Variants in CHN2 observed in about 807,000 individuals in gnomAD.
CHN2 encodes beta-chimaerin.
Under a neutral mutation model 56.3 loss-of-function variants are expected in CHN2, and 35 were observed. The ratio of observed to expected loss-of-function variants is 0.62; its 90% CI spans 0.47 to 0.82. The LOEUF is 0.82. CHN2 is among the 40% of genes least tolerant of loss of function. The pLI is 0.00. For synonymous variants in CHN2, 210 were observed against 212.8 expected (o/e 0.99, Z 0.12); for missense variants, 491 against 580.5 (o/e 0.85, Z 1.58).
At chr7:29,429,342 T>C (rs2128112304) in intron 6 of CHN2, among the ~76,000 whole-genome samples, 1 of 152,336 alleles carries the variant, frequency 6.6e-6, no homozygotes, top group African/African-American at 2.4e-5. Flanking sequence ...TCAGGTGGTA[T>C]TGCAGTAAGA....
chr7:29,178,763 G>A (rs1218690717), intron 2 of CHN2, among the ~76,000 whole-genome samples: 1 of 152,148 alleles, frequency 6.6e-6, no homozygotes, highest in Admixed American at 6.5e-5. Context: ...ACAACTTGGA[G>A]TGGAATTAGC....
upstream of CHN2, among the ~76,000 whole-genome samples, chr7:29,190,429 C>T (rs557024823): frequency 7.8e-4 from 119 of 152,300 alleles, 1 homozygote; most frequent in African/African-American, 2.6e-3. Context: ...AGAATGCCTG[C>T]AGTGAGGGAG....
intron 6 of CHN2, among the ~76,000 whole-genome samples, chr7:29,449,304 G>A (rs933855491): frequency 3.3e-5 from 5 of 152,200 alleles, no homozygotes; most frequent in African/African-American, 9.7e-5. Flanking sequence ...GGTTTGAAGC[G>A]GTAATAATGG....
chr7:29,296,170 A>T (rs1018454177), intron 1 of CHN2, among the ~76,000 whole-genome samples: 2 of 147,682 alleles, frequency 1.4e-5, no homozygotes, highest in East Asian at 4.0e-4. Context: ...TGCAACCTCC[A>T]CCTCCCAGGT....
intron 1 of CHN2, among the ~76,000 whole-genome samples, chr7:29,324,763 C>T (rs1795675588): frequency 6.6e-6 from 1 of 152,086 alleles, no homozygotes; most frequent in Admixed American, 6.5e-5. Context: ...AGCTTCTGGG[C>T]ATTTATTCTA....
Position 29,480,303 on chromosome 7 carries a change from G to T in CHN2, c.601G>T (p.Ala201Ser), listed in dbSNP as rs1178794647. The T allele has an allele frequency of 6.8e-6, 11 of 1,614,040 alleles. No individual in the cohort carries two copies. The highest frequency in any genetic ancestry group is 9.3e-6 in the Non-Finnish European group (11 of 1,180,042). Residue 201 changes from alanine (A) to serine (S), a missense_variant, in exon 7 of 13, where the codon GCC becomes TCC. By Grantham distance (99) the Ala-to-Ser change is moderately conservative. Coordinates refer to ENST00000222792, the MANE Select transcript of CHN2 (RefSeq NM_004067.4). ...GATCTCCTCCCTGGTTCGAAGGGCT[G>T]CCCTCACACACAACGACAACCACTT... is the stretch of plus-strand genomic sequence containing the variant. ...EKISSLVRRAALTHNDNHFNY... is the reference protein window; with the variant it reads ...EKISSLVRRASLTHNDNHFNY...
Position 29,468,138 on chromosome 7 carries a change from CCG to C in CHN2, c.577-12139_577-12138del, listed in dbSNP as rs1237752783. Among the ~76,000 whole-genome samples the C allele has an allele frequency of 7.3e-4, 22 of 30,286 alleles. 1 individual carries two copies. The highest frequency in any genetic ancestry group is 4.1e-3 in the East Asian group (3 of 730). The allele number at this position is 30,286 out of a possible 152,430, so 19.9% of individuals were successfully genotyped here. Reference sequence around the variant, plus strand: ...ACATCTTCACAGAAACCAAACGGACCCGCCCCCCCCCCCCCCCGCCCGACTAC... The same window carrying C: ...ACATCTTCACAGAAACCAAACGGACCCCCCCCCCCCCCCCCGCCCGACTAC... On this transcript the variant is annotated intron_variant, in intron 6 of 12. Transcript: ENST00000222792.
chr7:29,303,510 G>A (rs1363054617), intron 1 of CHN2, among the ~76,000 whole-genome samples: 1 of 152,184 alleles, frequency 6.6e-6, no homozygotes, highest in Non-Finnish European at 1.5e-5. Flanking sequence ...CCACCTGGGA[G>A]GTTATTATTC....
rs1230666728 is a variant in CHN2, at chr7:29,514,306, G to T, written c.*1571G>T. ...GTAAATGGAAGGCAAAGCATCACAT[G>T]TATTAAATTCTTCTGTCTATTATTC... On this transcript the variant is annotated 3_prime_UTR_variant, in exon 13 of 13. Coordinates refer to ENST00000222792, the MANE Select transcript of CHN2 (RefSeq NM_004067.4). 4 of 152,644 alleles carry T rather than the reference G, an allele frequency of 2.6e-5. No individual in the cohort carries two copies. Among genetic ancestry groups the T allele is most frequent in the Non-Finnish European group, 5.9e-5 (4 of 68,044 alleles). 9.5% of individuals were successfully genotyped at this position (152,644 alleles called of 1,614,324 possible).
chr7:29,148,977 C>T (rs1401259079), intron 2 of CHN2, among the ~76,000 whole-genome samples: 1 of 152,100 alleles, frequency 6.6e-6, no homozygotes, highest in African/African-American at 2.4e-5. Flanking sequence ...GGAAAGGTGG[C>T]AGCACAGGCA....
intron 6 of CHN2, among the ~76,000 whole-genome samples, chr7:29,424,949 C>T (rs1804709152): frequency 1.3e-5 from 2 of 152,144 alleles, no homozygotes; most frequent in Non-Finnish European, 2.9e-5. Context: ...TGATTCTGGC[C>T]CCACCTACTA....
At chr7:29,177,368 C>T (rs183386420) in intron 2 of CHN2, among the ~76,000 whole-genome samples, 7 of 152,120 alleles carry the variant, frequency 4.6e-5, no homozygotes, top group African/African-American at 1.2e-4. Flanking sequence ...ATTCTCCTGC[C>T]GCAATCTCCT....
chr7:29,164,729 C>T (rs989241290), intron 2 of CHN2, among the ~76,000 whole-genome samples: 6 of 141,766 alleles, frequency 4.2e-5, no homozygotes, highest in East Asian at 2.0e-4. Context: ...TGCAGTGAGC[C>T]GAGATCTCAC....
intron 1 of CHN2, among the ~76,000 whole-genome samples, chr7:29,230,838 C>T (rs1332190358): frequency 6.6e-6 from 1 of 151,984 alleles, no homozygotes; most frequent in African/African-American, 2.4e-5. Context: ...TTTTTCATTT[C>T]CTGTAGTGAC....
chr7:29,500,293 C>T (rs1206978994), intron 9 of CHN2, among the ~76,000 whole-genome samples: 1 of 152,112 alleles, frequency 6.6e-6, no homozygotes. Context: ...ATATGGTAGG[C>T]ATTGAGGTAA....
chr7:29,357,492 T>A (rs1374525971), intron 2 of CHN2, among the ~76,000 whole-genome samples: 1 of 152,262 alleles, frequency 6.6e-6, no homozygotes. Context: ...ATCATCCATT[T>A]GTTTAATCTT....
At chr7:29,241,394 GA>G (rs1469419394) in intron 1 of CHN2, among the ~76,000 whole-genome samples, 3 of 152,102 alleles carry the variant, frequency 2.0e-5, no homozygotes, top group Non-Finnish European at 2.9e-5. Flanking sequence ...CACATAGAAA[GA>G]GTGGGGGCCA....
rs187286071 is a variant in CHN2 at position 29,426,880 on chromosome 7, G to A, written c.576+26052G>A. 1.3e-3 allele frequency among the ~76,000 whole-genome samples: 203 copies of A among 152,266 alleles called. 1 individual carries two copies. Among genetic ancestry groups the A allele is most frequent in the South Asian group, 1.9e-3 (9 of 4,820 alleles). ...GGCTGTCCGCTGGGGACTGGCCATT[G>A]CTCCCGGTGGCTCCCATCTTCCTTC... On this transcript the variant is annotated intron_variant, in intron 6 of 12. Coordinates refer to ENST00000222792, the MANE Select transcript of CHN2 (RefSeq NM_004067.4).
At chr7:29,281,555 T>C (rs1791717060) in intron 1 of CHN2, among the ~76,000 whole-genome samples, 1 of 152,202 alleles carries the variant, frequency 6.6e-6, no homozygotes, top group African/African-American at 2.4e-5. Context: ...TTTCTGTCCA[T>C]AGTGGCTCCA....
Sources: allele counts gnomAD v4.1 joint callset (sites outside exome capture counted in the v4.1 genomes callset), GRCh38; gene constraint gnomAD v4.1.1; transcripts MANE v1.5; gene names NCBI Gene and HGNC (gene_info 2026-07-23, HGNC 2026-07-21).